ZNF93: variants seen among roughly 807,000 people sequenced by gnomAD.
ZNF93 encodes the protein zinc finger protein 93, also known as zinc finger protein 505.
Under a neutral mutation model 45.0 loss-of-function variants are expected in ZNF93, and 29 were observed. That is an observed-to-expected ratio of 0.64 (90% CI 0.48 to 0.88). The LOEUF is 0.88. ZNF93 is among the 40% of genes least tolerant of loss of function. The pLI is 0.00. For synonymous variants in ZNF93, 223 were observed against 244.6 expected (o/e 0.91, Z 0.82); for missense variants, 578 against 724.0 (o/e 0.80, Z 2.31).
intron 1 of ZNF93, chr19:19,909,491 C>G (rs989585578): frequency 6.6e-6 from 1 of 152,226 alleles, no homozygotes; most frequent in African/African-American, 2.4e-5. Flanking sequence ...CACAGATGGC[C>G]TCTTCAGTAT....
Position 19,929,341 on chromosome 19 carries a change from CA to C in ZNF93, c.227-3837del, listed in dbSNP as rs1248084259. Among the ~76,000 whole-genome samples the C allele has an allele frequency of 5.0e-4, 76 of 152,238 alleles. 1 individual carries two copies. Among genetic ancestry groups the C allele is most frequent in the African/African-American group, 1.8e-3 (73 of 41,540 alleles). On this transcript the variant is annotated intron_variant, in intron 3 of 3. Coordinates refer to ENST00000343769, the MANE Select transcript of ZNF93 (RefSeq NM_031218.4). ...GCACTCTCAAGTATTTCTCTATATG[CA>C]AAAGAATCAATATAGTCTATAATGT...
chr19:19,914,067 C>T (rs8109457), intron 1 of ZNF93, among the ~76,000 whole-genome samples: 23,413 of 152,138 alleles, frequency 0.15, 2,090 homozygotes, highest in East Asian at 0.41. Flanking sequence ...TTCTTATATG[C>T]CATGCAGAAT....
intron 3 of ZNF93, among the ~76,000 whole-genome samples, chr19:19,920,849 T>A (rs1002654533): frequency 6.6e-6 from 1 of 152,196 alleles, no homozygotes; most frequent in Non-Finnish European, 1.5e-5. Flanking sequence ...TTCATTAGTC[T>A]TGCTAGCGGT....
At chr19:19,910,226 A>G (rs2063303869) in intron 1 of ZNF93, among the ~76,000 whole-genome samples, 1 of 152,134 alleles carries the variant, frequency 6.6e-6, no homozygotes. Context: ...TTTGGGGGAA[A>G]AAAAAACTTA....
rs371617924 is a variant in ZNF93, at chr19:19,933,192, T to G, written c.237T>G (p.Ser79=). 117 of 1,530,040 alleles carry G rather than the reference T, an allele frequency of 7.6e-5. No homozygotes were observed. Among genetic ancestry groups the G allele is most frequent in the Non-Finnish European group, 9.8e-5 (112 of 1,139,328 alleles). 94.8% of individuals were successfully genotyped at this position (1,530,040 alleles called of 1,614,324 possible). A position where few individuals can be genotyped will look rare whatever the true frequency, so the allele number is the denominator to read the frequency against. ...EMVANPSVIC[S]HFAQDLWPEQ... is the part of the protein sequence containing the mutation. The stretch of plus-strand genomic sequence containing the variant: ...TATTGTTTCTTTCAGTTATATGTTC[T>G]CATTTTGCCCAAGATCTTTGGCCAG... Residue 79 remains serine, a synonymous_variant, in exon 4 of 4, where the codon TCT becomes TCG. Transcript: ENST00000343769.
intron 3 of ZNF93, among the ~76,000 whole-genome samples, chr19:19,917,458 T>A (rs1444854227): frequency 6.6e-6 from 1 of 152,174 alleles, no homozygotes; most frequent in Non-Finnish European, 1.5e-5. Context: ...CTACATTAAA[T>A]AAGATTTTTC....
intron 3 of ZNF93, chr19:19,932,308 C>T (rs2063377167): frequency 1.3e-5 from 2 of 153,340 alleles, no homozygotes; most frequent in African/African-American, 4.8e-5. Context: ...CAACATATCA[C>T]TAGAGTGTTT....
At chr19:19,918,204 G>A (rs2063330667) in intron 3 of ZNF93, among the ~76,000 whole-genome samples, 1 of 151,166 alleles carries the variant, frequency 6.6e-6, no homozygotes, top group Non-Finnish European at 1.5e-5. Flanking sequence ...TGCGGTGTTT[G>A]GTTTTTTGTC....
In ZNF93 at chr19:19,934,554, A is replaced by T. The variant is rs2063386947; in HGVS notation, c.1599A>T (p.Arg533Ser). ...TTAAACATAAGAAAATTCATACTAG[A>T]GAGAAACCCTACAAATGTGAAGAAT... ...TLIKHKKIHT[R>S]EKPYKCEECG... The change falls in exon 4 of 4, where the codon AGA becomes AGT. Residue 533 changes from arginine to serine, a missense_variant. This residue lies in a region of ZNF93 where 119 missense variants were observed against 123.1 expected (regional missense o/e 0.97). Coordinates refer to ENST00000343769, the MANE Select transcript of ZNF93 (RefSeq NM_031218.4). 4 of 1,613,528 alleles carry T rather than the reference A, an allele frequency of 2.5e-6. No homozygotes were observed. In the African/African-American group the frequency reaches 4.0e-5, roughly 16 times the overall value.
intron 3 of ZNF93, among the ~76,000 whole-genome samples, chr19:19,927,748 T>C (rs1294821778): frequency 6.6e-6 from 1 of 152,206 alleles, no homozygotes. Flanking sequence ...CTATTGGCTT[T>C]TGTGAATACT....
chr19:19,903,549 C>T (rs1036102780), intron 1 of ZNF93, among the ~76,000 whole-genome samples: 6 of 151,918 alleles, frequency 3.9e-5, no homozygotes, highest in South Asian at 4.2e-4. Flanking sequence ...GGACAGGTCA[C>T]GAGGTCAGGA....
chr19:19,925,440 G>A (rs1422597969), intron 3 of ZNF93, among the ~76,000 whole-genome samples: 1 of 152,124 alleles, frequency 6.6e-6, no homozygotes, highest in African/African-American at 2.4e-5. Flanking sequence ...GTCAAGGATG[G>A]TTGAGATCTT....
intron 3 of ZNF93, among the ~76,000 whole-genome samples, chr19:19,918,846 A>G (rs1243117982): frequency 6.6e-6 from 1 of 151,580 alleles, no homozygotes; most frequent in Non-Finnish European, 1.5e-5. Flanking sequence ...TAGATTCTGG[A>G]TATTAGCCCT....
intron 1 of ZNF93, among the ~76,000 whole-genome samples, chr19:19,911,881 C>G (rs1426704564): frequency 1.3e-5 from 2 of 151,862 alleles, no homozygotes; most frequent in Non-Finnish European, 2.9e-5. Context: ...TCCCGAGTAG[C>G]TGGGATTACA....
chr19:19,916,681 A>G (rs757557055), intron 3 of ZNF93, 26 bp downstream of exon 3: 6 of 1,543,520 alleles, frequency 3.9e-6, no homozygotes, highest in South Asian at 1.2e-5. Flanking sequence ...AATGAATACA[A>G]CAGACAACAC....
At chr19:19,904,920 G>T (rs1309799287) in intron 1 of ZNF93, among the ~76,000 whole-genome samples, 1 of 152,004 alleles carries the variant, frequency 6.6e-6, no homozygotes, top group Non-Finnish European at 1.5e-5. Context: ...ACTTCTCCCA[G>T]AACTATGCAC....
chr19:19,901,549 C>T (rs1346911450), intron 1 of ZNF93, among the ~76,000 whole-genome samples: 8 of 151,846 alleles, frequency 5.3e-5, no homozygotes, highest in African/African-American at 1.9e-4. Flanking sequence ...CCGAGGCGGG[C>T]GGATCACTTG....
chr19:19,916,558 A>G lies in ZNF93; in HGVS notation c.131-2A>G. On this transcript the variant is annotated splice_acceptor_variant, in intron 2 of 3. Coordinates refer to ENST00000343769, the MANE Select transcript of ZNF93 (RefSeq NM_031218.4). LOFTEE classifies it high-confidence loss of function. ...TCATGTTATTTATTCTTAACAAAAC[A>G]GGTATTGTTGTCTCTAAGCCAGACC... is the stretch of plus-strand genomic sequence containing the variant. 1 of 1,610,330 alleles carries G rather than the reference A, an allele frequency of 6.2e-7. No homozygotes were observed. Among genetic ancestry groups the G allele is most frequent in the Non-Finnish European group, 8.5e-7 (1 of 1,177,486 alleles).
rs147211846 is a variant in ZNF93 at position 19,934,759 on chromosome 19, T to G, written c.1804T>G (p.Phe602Val). Residue 602 changes from phenylalanine to valine, a missense_variant, in exon 4 of 4, where the codon TTT (phenylalanine) becomes GTT (valine). By Grantham distance (50) the Phe-to-Val change is conservative (BLOSUM62 -1). Coordinates refer to ENST00000343769, the MANE Select transcript of ZNF93 (RefSeq NM_031218.4). ...CGAGTGTGATAAATGTGGCAAAGCC[T>G]TTATTTCACCCTCAAGCCTTAGTAG... ...PYECDKCGKA[F>V]ISPSSLSRHE... 1.2e-4 allele frequency: 199 copies of G among 1,609,426 alleles called. No homozygotes were observed. In the African/African-American group the frequency reaches 2.4e-3, roughly 19 times the overall value.
Sources: gnomAD v4.1 joint callset for allele counts (sites outside exome capture counted in the v4.1 genomes callset) on GRCh38, gnomAD v4.1.1 for gene constraint, gnomAD v4.1.1 regional missense constraint, MANE v1.5 for transcripts, NCBI Gene and HGNC (gene_info 2026-07-23, HGNC 2026-07-21) for gene names.